Variants in SEC62 observed in about 807,000 individuals in gnomAD.
SEC62 encodes translocation protein SEC62.
A neutral mutation model predicts 47.5 loss-of-function variants in SEC62; 10 were observed. That is an observed-to-expected ratio of 0.21 (90% confidence interval 0.13 to 0.36). The LOEUF (loss-of-function observed/expected upper bound fraction) is 0.36. Ranked by LOEUF, SEC62 falls within the 10% of genes least tolerant of loss-of-function variation. The probability of loss-of-function intolerance (pLI) is 1.00; values close to 1 mark genes in which losing one functional copy is unlikely to be tolerated. For missense variants in SEC62, 327 were observed against 464.1 expected (o/e 0.70, Z 2.71); for synonymous variants, 136 against 150.5 (o/e 0.90, Z 0.71).
At chr3:169,979,174 A>C (rs746282206) in intron 3 of SEC62, among the ~76,000 whole-genome samples, 1 of 152,230 alleles carries the variant, frequency 6.6e-6, no homozygotes, top group African/African-American at 2.4e-5. Context: ...TCCTTTCTGC[A>C]CTAAAATAAA....
At chr3:169,980,201 A>G (rs190672911) in intron 3 of SEC62, among the ~76,000 whole-genome samples, 16 of 152,310 alleles carry the variant, frequency 1.1e-4, no homozygotes, top group Admixed American at 5.2e-4. Context: ...TGGTGAAACT[A>G]TGAAGAATGA....
chr3:169,975,574 A>G, intron 1 of SEC62, 34 bp from the exon 2 acceptor site: 1 of 1,317,800 alleles, frequency 7.6e-7, no homozygotes, highest in Non-Finnish European at 1.1e-6. Flanking sequence ...TCTCAAGTAT[A>G]TGATTATACT....
Position 169,993,951 on chromosome 3 carries a change from GC to G in SEC62, c.*889del, listed in dbSNP as rs1296886249. The G allele has an allele frequency of 2.6e-5, 4 of 152,586 alleles. No homozygotes were observed. Among genetic ancestry groups the G allele is most frequent in the African/African-American group, 9.7e-5 (4 of 41,428 alleles). 9.5% of individuals were successfully genotyped at this position (152,586 alleles called of 1,614,324 possible). A position where few individuals can be genotyped will look rare whatever the true frequency, so the allele number is the denominator to read the frequency against. On this transcript the variant is annotated 3_prime_UTR_variant, in exon 8 of 8. Coordinates refer to ENST00000337002, the MANE Select transcript of SEC62 (RefSeq NM_003262.4). ...GAACATCTGTGATCTTTCTACAGCA[GC>G]TTCAGTTTTGTGCCAACATTCCATG...
chr3:169,987,064 A>AG (rs1472231025), intron 6 of SEC62, among the ~76,000 whole-genome samples: 1 of 151,548 alleles, frequency 6.6e-6, no homozygotes, highest in African/African-American at 2.4e-5. Flanking sequence ...TTTAACAAAC[A>AG]GAAAAAAAAA....
At chr3:169,984,896 T>C (rs1576862042) in intron 5 of SEC62, among the ~76,000 whole-genome samples, 2 of 152,300 alleles carry the variant, frequency 1.3e-5, no homozygotes, top group South Asian at 4.1e-4. Flanking sequence ...AGAGTTCTGA[T>C]CTGAATGAAG....
intron 3 of SEC62, among the ~76,000 whole-genome samples, chr3:169,979,344 C>T (rs1393211897): frequency 5.3e-5 from 8 of 152,126 alleles, no homozygotes; most frequent in Non-Finnish European, 8.8e-5. Context: ...CCAATACTGT[C>T]AGTTTTTCTG....
rs1715270276 is a variant in SEC62, at chr3:169,992,485, G to A, written c.731-109G>A. 2.8e-6 allele frequency: 2 copies of A among 724,666 alleles called. No individual in the cohort carries two copies. The highest frequency in any genetic ancestry group is 2.7e-5 in the Admixed American group (1 of 37,210). The allele number at this position is 724,666 out of a possible 1,614,324, so 44.9% of individuals were successfully genotyped here. A position where few individuals can be genotyped will look rare whatever the true frequency, so the allele number is the denominator to read the frequency against. ...GGATTTAAATATTAATATTTAAGGT[G>A]TATGAAATGTGCAGATAATAAAACT... On this transcript the variant is annotated intron_variant, in intron 7 of 7. Coordinates refer to ENST00000337002, the MANE Select transcript of SEC62 (RefSeq NM_003262.4). The surrounding 1 kb of genome is among the most constrained non-coding windows in gnomAD (Gnocchi z 4.0).
rs749481489 is a variant in SEC62 at position 169,992,843 on chromosome 3, C to T, written c.980C>T (p.Pro327Leu). 3.1e-6 allele frequency: 5 copies of T among 1,613,814 alleles called. No homozygotes were observed. The South Asian group carries it at 4.4e-5, about 14-fold the overall frequency. ...KKEDEEGKVG[P>L]GNHGTEGSGG... ...GAAGATGAGGAGGGGAAAGTAGGAC[C>T]AGGAAATCATGGAACAGAAGGCTCG... Residue 327 changes from proline to leucine, a missense_variant, in exon 8 of 8, where the codon CCA becomes CTA. Physicochemically the swap from Pro to Leu is moderately conservative, Grantham distance 98. This residue lies in a region of SEC62 where 102 missense variants were observed against 108.8 expected (regional missense o/e 0.94). Transcript: ENST00000337002. This position sits in a 1 kb window ranked among gnomAD's most constrained non-coding sequence, Gnocchi z 4.0.
chr3:169,978,337 T>C (rs1023459123), intron 3 of SEC62, among the ~76,000 whole-genome samples: 1 of 152,162 alleles, frequency 6.6e-6, no homozygotes, highest in Non-Finnish European at 1.5e-5. Flanking sequence ...TAGCAACTTG[T>C]CTAGTTAGAA....
chr3:169,977,336 T>G (rs1714860170), intron 3 of SEC62, among the ~76,000 whole-genome samples: 1 of 152,110 alleles, frequency 6.6e-6, no homozygotes, highest in Admixed American at 6.5e-5. Context: ...GAAAAGAAAG[T>G]TTTTTCTTTT....
chr3:169,980,091 AAT>A (rs1407452835), intron 3 of SEC62, among the ~76,000 whole-genome samples: 2 of 152,246 alleles, frequency 1.3e-5, no homozygotes, highest in East Asian at 3.8e-4. Context: ...GGAATACAAT[AAT>A]AACTATGACT....
rs1289519886 is a variant in SEC62 at position 169,993,782 on chromosome 3, A to G, written c.*719A>G. 6.5e-6 allele frequency: 1 copy of G among 152,672 alleles called. No individual in the cohort carries two copies. Among genetic ancestry groups the G allele is most frequent in the East Asian group, 1.9e-4 (1 of 5,204 alleles). 9.5% of individuals were successfully genotyped at this position (152,672 alleles called of 1,614,324 possible). A position where few individuals can be genotyped will look rare whatever the true frequency, so the allele number is the denominator to read the frequency against. On this transcript the variant is annotated 3_prime_UTR_variant, in exon 8 of 8. Coordinates refer to ENST00000337002, the MANE Select transcript of SEC62 (RefSeq NM_003262.4). Reference sequence around the variant, plus strand: ...TCCCCATTTCATTGGCGTAACGTAAAGTGTATTCTGTACATAATTTACAAA... The same window carrying G: ...TCCCCATTTCATTGGCGTAACGTAAGGTGTATTCTGTACATAATTTACAAA...
intron 7 of SEC62, among the ~76,000 whole-genome samples, chr3:169,990,685 C>G (rs1020416345): frequency 3.3e-5 from 5 of 152,162 alleles, no homozygotes; most frequent in Admixed American, 3.3e-4. Flanking sequence ...AATTCATTAT[C>G]TCTGTTTATC....
At chr3:169,980,836 G>C (rs1357146472) in intron 3 of SEC62, among the ~76,000 whole-genome samples, 2 of 152,086 alleles carry the variant, frequency 1.3e-5, no homozygotes, top group Admixed American at 1.3e-4. Flanking sequence ...ATATGGACAT[G>C]TATATTAACT....
chr3:169,976,017 T>C (rs1356815795), intron 2 of SEC62, among the ~76,000 whole-genome samples: 1 of 152,226 alleles, frequency 6.6e-6, no homozygotes, highest in African/African-American at 2.4e-5. Context: ...TGGCTTTTTT[T>C]CCCCAAACAA....
Position 169,982,882 on chromosome 3 carries a change from A to AAAG in SEC62, c.429_431dup (p.Lys143_Asp144insGlu). On this transcript the variant is annotated inframe_insertion, in exon 4 of 8. Transcript: ENST00000337002. Reference sequence around the variant, plus strand: ...GACAAAAAAAGAAAAAGAGAAAAAAAAAGATGGTGAAAAGGAAGAATCCAA... The same window carrying AAAG: ...GACAAAAAAAGAAAAAGAGAAAAAAAAAGAAGATGGTGAAAAGGAAGAATCCAA... 6.4e-7 allele frequency: 1 copy of AAAG among 1,564,854 alleles called. No homozygotes were observed. The highest frequency in any genetic ancestry group is 1.2e-5 in the South Asian group (1 of 82,422).
In SEC62 at chr3:169,969,505, T is replaced by C. The variant is rs555743868; in HGVS notation, c.36+2647T>C. The C allele has an allele frequency of 3.6e-4, 124 of 340,588 alleles. 1 individual carries two copies. The highest frequency in any genetic ancestry group is 2.8e-3 in the South Asian group (121 of 43,538). The allele number at this position is 340,588 out of a possible 1,614,324, so 21.1% of individuals were successfully genotyped here. ...AGAGTTTAAAAGGATCTAGTAGGGT[T>C]TGTTTGGAAGCCTTTTTCATAAATT... On this transcript the variant is annotated intron_variant, in intron 1 of 7. Coordinates refer to ENST00000337002, the MANE Select transcript of SEC62 (RefSeq NM_003262.4).
chr3:169,983,407 T>C, intron 5 of SEC62, 154 bp downstream of exon 5: 1 of 455,524 alleles, frequency 2.2e-6, no homozygotes, highest in Non-Finnish European at 4.0e-6. Flanking sequence ...CAATAATTTC[T>C]CTTATTTAGA....
chr3:169,991,798 C>T (rs989420081), intron 7 of SEC62, among the ~76,000 whole-genome samples: 9 of 152,138 alleles, frequency 5.9e-5, no homozygotes, highest in Non-Finnish European at 1.3e-4. Context: ...GCATAGTAAA[C>T]GTGTGCCTTG....
Sources: allele counts gnomAD v4.1 joint callset (sites outside exome capture counted in the v4.1 genomes callset), GRCh38; gene constraint gnomAD v4.1.1; regional missense constraint gnomAD v4.1.1; non-coding constraint Gnocchi (gnomAD v3.1); transcripts MANE v1.5; gene names NCBI Gene and HGNC (gene_info 2026-07-23, HGNC 2026-07-21).